NRXN3: variants seen among roughly 807,000 people sequenced by gnomAD.
NRXN3 encodes the protein neurexin III.
Under a neutral mutation model 137.6 loss-of-function variants are expected in NRXN3, and 32 were observed. The observed-to-expected ratio is 0.23, with a 90% CI of 0.18 to 0.31. NRXN3 has a LOEUF of 0.31. Ranked by LOEUF, NRXN3 falls within the 10% of genes least tolerant of loss-of-function variation. NRXN3 has a pLI of 1.00. For synonymous variants in NRXN3, 798 were observed against 784.5 expected (o/e 1.02, Z -0.29); for missense variants, 1,574 against 2,062.5 (o/e 0.76, Z 4.59).
At chr14:78,697,397 A>T (rs920558385) in intron 6 of NRXN3, among the ~76,000 whole-genome samples, 1 of 152,042 alleles carries the variant, frequency 6.6e-6, no homozygotes, top group Non-Finnish European at 1.5e-5. Flanking sequence ...TTGAAATACT[A>T]CCAAAGTGGA....
At chr14:78,296,370 C>T (rs1476254465) in intron 3 of NRXN3, among the ~76,000 whole-genome samples, 1 of 152,070 alleles carries the variant, frequency 6.6e-6, no homozygotes, top group Admixed American at 6.5e-5. Flanking sequence ...TGAGCGTCAC[C>T]TACTGAATTC....
chr14:78,250,215 T>C (rs1387684940), intron 2 of NRXN3: 3 of 386,048 alleles, frequency 7.8e-6, no homozygotes, highest in African/African-American at 2.1e-5. Flanking sequence ...TCAACCACCA[T>C]GCTATCTTGA....
At chr14:78,225,853 T>C (rs2064485330) in intron 1 of NRXN3, among the ~76,000 whole-genome samples, 1 of 152,180 alleles carries the variant, frequency 6.6e-6, no homozygotes, top group Non-Finnish European at 1.5e-5. Context: ...TTATGGTTAC[T>C]GCTCACATGT....
chr14:78,342,885 T>C (rs1368955030), intron 4 of NRXN3, among the ~76,000 whole-genome samples: 2 of 152,192 alleles, frequency 1.3e-5, no homozygotes, highest in African/African-American at 4.8e-5. Flanking sequence ...AATAACACTT[T>C]AGATTGTTCA....
At chr14:79,830,345 T>C (rs1183166640) in intron 20 of NRXN3, among the ~76,000 whole-genome samples, 1 of 152,230 alleles carries the variant, frequency 6.6e-6, no homozygotes, top group African/African-American at 2.4e-5. Context: ...GTTTGAGAAG[T>C]GGACTTGACT....
intron 14 of NRXN3, 136 bp downstream of exon 14, chr14:78,968,482 A>T (rs917320759): frequency 4.3e-6 from 3 of 696,256 alleles, no homozygotes; most frequent in Non-Finnish European, 7.0e-6. Context: ...TTGCATCACC[A>T]TCAGTGTTCT....
chr14:78,213,470 A>T (rs2062945520), intron 1 of NRXN3, among the ~76,000 whole-genome samples: 1 of 152,142 alleles, frequency 6.6e-6, no homozygotes, highest in African/African-American at 2.4e-5. Context: ...GCAAGGAAAG[A>T]TTGAGTAGGA....
At chr14:78,524,421 C>G (rs2096343586) in intron 4 of NRXN3, among the ~76,000 whole-genome samples, 1 of 152,238 alleles carries the variant, frequency 6.6e-6, no homozygotes, top group South Asian at 2.1e-4. Flanking sequence ...TCCAAAGGGA[C>G]TATCTGAGAT....
intron 16 of NRXN3, among the ~76,000 whole-genome samples, chr14:79,544,773 T>C (rs2097303922): frequency 6.6e-6 from 1 of 152,174 alleles, no homozygotes; most frequent in South Asian, 2.1e-4. Context: ...CAGCATCACC[T>C]GGCAACTTGT....
rs569661729 is a variant in NRXN3, at chr14:79,612,525, C to T, written c.3445-51253C>T. ...ACCATGTAAAAGAAACTGCCAATTC[C>T]CATGAAAATCCATTGTCTCTTTTTC... On this transcript the variant is annotated intron_variant, in intron 16 of 20. Transcript: ENST00000335750. 2.6e-5 allele frequency among the ~76,000 whole-genome samples: 4 copies of T among 152,252 alleles called. No homozygotes were observed. The South Asian group carries it at 8.3e-4, about 32-fold the overall frequency.
chr14:79,265,231 CTTTTTTTTTTTT>C (rs936690790), intron 15 of NRXN3, among the ~76,000 whole-genome samples: 1 of 91,912 alleles, frequency 1.1e-5, no homozygotes, highest in South Asian at 3.8e-4. Context: ...GGGGGTTGCT[CTTTTTTTTTTTT>C]TTTTTTTTTT....
chr14:78,737,400 A>G (rs761432017), intron 8 of NRXN3, among the ~76,000 whole-genome samples: 1 of 152,180 alleles, frequency 6.6e-6, no homozygotes, highest in Non-Finnish European at 1.5e-5. Context: ...CTGCACCCCA[A>G]GATGAACACT....
At chr14:79,353,761 C>A (rs1225655579) in intron 15 of NRXN3, among the ~76,000 whole-genome samples, 2 of 152,114 alleles carry the variant, frequency 1.3e-5, no homozygotes, top group East Asian at 1.9e-4. Context: ...GTATCATGAG[C>A]AACTTTGCTC....
Position 79,168,192 on chromosome 14 carries a change from G to A in NRXN3, c.3262+180051G>A, listed in dbSNP as rs1331164166. Among the ~76,000 whole-genome samples, 11 of 151,888 alleles carry A rather than the reference G, an allele frequency of 7.2e-5. No homozygotes were observed. In the East Asian group the frequency reaches 1.2e-3, roughly 16 times the overall value. ...GTCACTCTGCATCAATCCCACGTTG[G>A]GGAAGAGAGCAAATCTATTGGCAGG... On this transcript the variant is annotated intron_variant, in intron 15 of 20. Coordinates refer to ENST00000335750, the MANE Select transcript of NRXN3 (RefSeq NM_001330195.2).
rs565012539 is a variant in NRXN3, at chr14:78,855,995, G to C, written c.2275+45651G>C. Among the ~76,000 whole-genome samples, 4 of 152,086 alleles carry C rather than the reference G, an allele frequency of 2.6e-5. No individual in the cohort carries two copies. The South Asian group carries it at 6.3e-4, about 24-fold the overall frequency. On this transcript the variant is annotated intron_variant, in intron 10 of 20. Transcript: ENST00000335750. The stretch of plus-strand genomic sequence containing the variant: ...GTCAAGCCACTTTACCATCTTTCTG[G>C]GTCTTCTTTCCTCATTGGTACCAAG...
At chr14:78,272,131 G>A (rs2072866805) in intron 2 of NRXN3, among the ~76,000 whole-genome samples, 1 of 151,914 alleles carries the variant, frequency 6.6e-6, no homozygotes, top group African/African-American at 2.4e-5. Context: ...GTAATCTTTA[G>A]TGGAAGGCCT....
chr14:79,150,280 T>C lies in NRXN3; in HGVS notation c.3262+162139T>C, dbSNP rs541307198. On this transcript the variant is annotated intron_variant, in intron 15 of 20. Transcript: ENST00000335750. ...GCAAGGATGTGTCCAACTTTTGAAATGGAATGAATAGTTAAAATTGTGCAT... is the reference window on the plus strand; with the variant it reads ...GCAAGGATGTGTCCAACTTTTGAAACGGAATGAATAGTTAAAATTGTGCAT... Among the ~76,000 whole-genome samples the C allele has an allele frequency of 3.3e-5, 5 of 152,120 alleles. No individual in the cohort carries two copies. The East Asian group carries it at 9.7e-4, about 30-fold the overall frequency.
At chr14:79,504,655 GTATA>G (rs994714026) in intron 16 of NRXN3, among the ~76,000 whole-genome samples, 2 of 104,218 alleles carry the variant, frequency 1.9e-5, no homozygotes, top group Non-Finnish European at 4.2e-5. Flanking sequence ...ATATATATAT[GTATA>G]TATATATATA....
chr14:78,727,723 G>A (rs114402084), intron 8 of NRXN3, among the ~76,000 whole-genome samples: 2,939 of 151,934 alleles, frequency 0.019, 79 homozygotes, highest in African/African-American at 0.067. Context: ...CAACAAGAGC[G>A]AAAACTCCGT....
Sources: gnomAD v4.1 joint callset for allele counts (sites outside exome capture counted in the v4.1 genomes callset) on GRCh38, gnomAD v4.1.1 for gene constraint, MANE v1.5 for transcripts, NCBI Gene and HGNC (gene_info 2026-07-23, HGNC 2026-07-21) for gene names.